The following MRPL13 variants were observed in gnomAD, a reference collection of about 807,000 sequenced individuals.
MRPL13 encodes large ribosomal subunit protein uL13m.
In MRPL13, 33 loss-of-function variants were observed where a neutral mutation model predicts 29.0. The ratio of observed to expected loss-of-function variants is 1.14; its 90% CI spans 0.86 to 1.52. The LOEUF is 1.52. Among genes scored for constraint, MRPL13 ranks in the 40% most tolerant of loss-of-function variants. MRPL13 has a pLI of 0.00. For missense variants in MRPL13, 227 were observed against 216.7 expected, an observed-to-expected ratio of 1.05 and a Z score of -0.30; for synonymous variants, 77 against 68.4, an observed-to-expected ratio of 1.13 and a Z score of -0.62.
intron 5 of MRPL13, chr8:120,415,730 A>G (rs1336387234): frequency 3.9e-5 from 6 of 152,164 alleles, no homozygotes; most frequent in Non-Finnish European, 8.8e-5. Context: ...TTCTCAGTAT[A>G]TTCAAATCTG....
chr8:120,429,405 C>A (rs1455038317), intron 3 of MRPL13, among the ~76,000 whole-genome samples: 7 of 151,580 alleles, frequency 4.6e-5, no homozygotes, highest in African/African-American at 1.7e-4. Context: ...GGCTTAATAC[C>A]TGGGTGATGA....
chr8:120,402,431 GA>G (rs1298993684), intron 6 of MRPL13, among the ~76,000 whole-genome samples: 2 of 152,260 alleles, frequency 1.3e-5, no homozygotes, highest in East Asian at 3.9e-4. Flanking sequence ...ATGGTGCTGG[GA>G]AAACTGGCTA....
At chr8:120,432,999 T>G (rs1216349103) in intron 2 of MRPL13, among the ~76,000 whole-genome samples, 1 of 152,066 alleles carries the variant, frequency 6.6e-6, no homozygotes, top group Non-Finnish European at 1.5e-5. Context: ...GATTATAAGA[T>G]TCTATGCAGA....
At chr8:120,410,097 A>G (rs779598177) in intron 6 of MRPL13, among the ~76,000 whole-genome samples, 3 of 152,234 alleles carry the variant, frequency 2.0e-5, no homozygotes, top group Non-Finnish European at 2.9e-5. Flanking sequence ...TAGAAAAGTT[A>G]ATAAACTTAT....
chr8:120,424,669 G>A (rs1313927754), intron 4 of MRPL13, among the ~76,000 whole-genome samples: 1 of 151,908 alleles, frequency 6.6e-6, no homozygotes, highest in African/African-American at 2.4e-5. Flanking sequence ...GAGAGGCTGA[G>A]GTGGGAAGAT....
rs139207620 is a variant in MRPL13 at position 120,432,779 on chromosome 8, T to C, written c.152-656A>G. On this transcript the variant is annotated intron_variant, in intron 2 of 6. Coordinates refer to ENST00000306185, the MANE Select transcript of MRPL13 (RefSeq NM_014078.6). ...ATATGTGTATCTGCTTCATTTTCTA[T>C]CCCTAAGTTTGGCTGTTCATCTAAA... Among the ~76,000 whole-genome samples, 596 of 152,144 alleles carry C rather than the reference T, an allele frequency of 3.9e-3. 4 individuals are homozygous for C. Among genetic ancestry groups the C allele is most frequent in the African/African-American group, 0.014 (570 of 41,518 alleles).
intron 2 of MRPL13, among the ~76,000 whole-genome samples, chr8:120,441,321 A>T (rs1017596703): frequency 1.3e-5 from 2 of 152,202 alleles, no homozygotes; most frequent in African/African-American, 4.8e-5. Flanking sequence ...TTTGGGAGGC[A>T]TTAGCATATA....
At chr8:120,444,892 C>G in intron 1 of MRPL13, 176 bp downstream of exon 1, 1 of 622,410 alleles carries the variant, frequency 1.6e-6, no homozygotes, top group South Asian at 1.8e-5. Flanking sequence ...GAGTAACAGA[C>G]GAACGACATT....
intron 3 of MRPL13, among the ~76,000 whole-genome samples, 168 bp from the exon 4 acceptor site, chr8:120,425,534 C>T (rs1270299257): frequency 6.6e-6 from 1 of 152,152 alleles, no homozygotes; most frequent in Non-Finnish European, 1.5e-5. Flanking sequence ...ATGCTATTCT[C>T]TTAAATGGTC....
intron 2 of MRPL13, among the ~76,000 whole-genome samples, chr8:120,442,866 T>C (rs1195300388): frequency 6.6e-6 from 1 of 152,060 alleles, no homozygotes; most frequent in East Asian, 1.9e-4. Flanking sequence ...TGTCATCACG[T>C]GAAAAGACAT....
intron 3 of MRPL13, among the ~76,000 whole-genome samples, chr8:120,430,490 G>T (rs1812985802): frequency 6.6e-6 from 1 of 152,150 alleles, no homozygotes. Flanking sequence ...TAATAAAGTA[G>T]TATGTCCAAA....
chr8:120,396,420 T>G (rs973987234), intron 6 of MRPL13, among the ~76,000 whole-genome samples: 1 of 152,172 alleles, frequency 6.6e-6, no homozygotes, highest in Non-Finnish European at 1.5e-5. Flanking sequence ...GTTCCATTTT[T>G]AAACTTTTAT....
At chr8:120,396,380 G>A (rs777148404) in intron 6 of MRPL13, among the ~76,000 whole-genome samples, 2 of 152,028 alleles carry the variant, frequency 1.3e-5, no homozygotes, top group Non-Finnish European at 2.9e-5. Flanking sequence ...AATGTATTTA[G>A]TAACTTAATA....
chr8:120,403,278 G>A (rs867184148), intron 6 of MRPL13, among the ~76,000 whole-genome samples: 1 of 152,130 alleles, frequency 6.6e-6, no homozygotes, highest in African/African-American at 2.4e-5. Context: ...AGAAAATGTG[G>A]TATATATACA....
chr8:120,444,996 A>G, intron 1 of MRPL13, 72 bp downstream of exon 1: 1 of 1,603,936 alleles, frequency 6.2e-7, no homozygotes, highest in South Asian at 1.1e-5. Flanking sequence ...TTCACTACTT[A>G]ATCTGCCGGA....
intron 3 of MRPL13, among the ~76,000 whole-genome samples, chr8:120,427,321 T>C (rs1378607149): frequency 6.6e-6 from 1 of 152,170 alleles, no homozygotes; most frequent in Non-Finnish European, 1.5e-5. Flanking sequence ...TGTATGCTCT[T>C]CTATGGATTA....
intron 2 of MRPL13, among the ~76,000 whole-genome samples, chr8:120,441,460 G>A (rs975981138): frequency 6.6e-6 from 1 of 152,138 alleles, no homozygotes; most frequent in Non-Finnish European, 1.5e-5. Context: ...GCTGAGGATA[G>A]CCAAGGGTAC....
intron 3 of MRPL13, among the ~76,000 whole-genome samples, chr8:120,430,093 C>G (rs945314393): frequency 6.6e-6 from 1 of 152,032 alleles, no homozygotes; most frequent in South Asian, 2.1e-4. Flanking sequence ...GAAACCCTGT[C>G]CCTACTAAAA....
rs967033769 is a variant in MRPL13 at position 120,442,391 on chromosome 8, T to G, written c.151+794A>C. Among the ~76,000 whole-genome samples the G allele has an allele frequency of 5.9e-5, 9 of 152,316 alleles. No homozygotes were observed. In the East Asian group the frequency reaches 1.7e-3, roughly 29 times the overall value. ...AATATTGATAGCAACATTAATGTAA[T>G]ATAACATAATGCCAAAAAAATTGGA... On this transcript the variant is annotated intron_variant, in intron 2 of 6. Transcript: ENST00000306185.
Sources: allele counts gnomAD v4.1 joint callset (sites outside exome capture counted in the v4.1 genomes callset), GRCh38; gene constraint gnomAD v4.1.1; transcripts MANE v1.5; gene names NCBI Gene and HGNC (gene_info 2026-07-23, HGNC 2026-07-21).